Variants in NRXN1 observed in about 807,000 individuals in gnomAD.
NRXN1 encodes neurexin 1.
NRXN1 carries 39 observed loss-of-function variants against 150.9 expected under a neutral mutation model. The observed-to-expected ratio is 0.26, with a 90% confidence interval of 0.20 to 0.34. NRXN1 has a LOEUF of 0.34. Among genes scored for constraint, NRXN1 ranks in the 10% least tolerant of loss-of-function variants. NRXN1 has a pLI of 1.00. For missense variants in NRXN1, 1,815 were observed against 1,949.9 expected, an observed-to-expected ratio of 0.93 and a Z score of 1.30; for synonymous variants, 924 against 757.0, an observed-to-expected ratio of 1.22 and a Z score of -3.62.
At chr2:50,311,053 A>G (rs752548251) in intron 17 of NRXN1, among the ~76,000 whole-genome samples, 49 of 152,182 alleles carry the variant, frequency 3.2e-4, no homozygotes, top group Non-Finnish European at 5.6e-4. Flanking sequence ...AAGTATGTAC[A>G]TATACACACA....
chr2:50,912,659 C>A (rs1439492245), intron 5 of NRXN1, among the ~76,000 whole-genome samples: 5 of 150,728 alleles, frequency 3.3e-5, no homozygotes, highest in African/African-American at 1.2e-4. Flanking sequence ...GATGTTTGAG[C>A]AACTGTTCAG....
At chr2:50,822,504 A>T (rs1404398191) in intron 5 of NRXN1, among the ~76,000 whole-genome samples, 1 of 152,150 alleles carries the variant, frequency 6.6e-6, no homozygotes, top group South Asian at 2.1e-4. Context: ...TTTGCATAAT[A>T]TAAGACACTC....
chr2:50,584,729 G>A (rs1051808219), intron 8 of NRXN1, among the ~76,000 whole-genome samples: 23 of 152,168 alleles, frequency 1.5e-4, no homozygotes, highest in African/African-American at 5.3e-4. Flanking sequence ...GGTCAGTATT[G>A]ATGCTGCCAC....
intron 22 of NRXN1, among the ~76,000 whole-genome samples, chr2:49,936,816 GTA>G (rs1491520558): frequency 4.7e-5 from 7 of 149,888 alleles, no homozygotes; most frequent in South Asian, 2.1e-4. Flanking sequence ...AAAAACATAT[GTA>G]CACACACACA....
chr2:50,926,161 C>T (rs1280903114), intron 2 of NRXN1, among the ~76,000 whole-genome samples: 3 of 151,874 alleles, frequency 2.0e-5, no homozygotes, highest in Non-Finnish European at 4.4e-5. Context: ...GTGAGACAAA[C>T]TTTCATAATA....
At chr2:50,699,623 T>C (rs1456410310) in intron 5 of NRXN1, among the ~76,000 whole-genome samples, 1 of 152,006 alleles carries the variant, frequency 6.6e-6, no homozygotes, top group Admixed American at 6.6e-5. Flanking sequence ...ACAAGGAAAC[T>C]GGACCTTAGG....
At chr2:50,094,555 A>C (rs745607749) in intron 18 of NRXN1, among the ~76,000 whole-genome samples, 7 of 152,098 alleles carry the variant, frequency 4.6e-5, no homozygotes, top group Non-Finnish European at 7.3e-5. Flanking sequence ...TAACTGAGAA[A>C]TCTTCAAGGG....
At position 50,730,672 on chromosome 2, in the gene NRXN1, CTTTT is replaced by C. The variant is rs56042523; in HGVS notation, c.833-107061_833-107058del. Among the ~76,000 whole-genome samples, 161 of 122,004 alleles carry C rather than the reference CTTTT, an allele frequency of 1.3e-3. 1 individual carries two copies. Among genetic ancestry groups the C allele is most frequent in the Middle Eastern group, 0.011 (2 of 190 alleles). The allele number at this position is 122,004 out of a possible 152,430, so 80.0% of individuals were successfully genotyped here. ...AATCTTCCTTTATCTTTCTTGTTTT[CTTTT>C]TTTTTTTTTTTTTTGAGACGGAGTC... On this transcript the variant is annotated intron_variant, in intron 5 of 22. Coordinates refer to ENST00000401669, the MANE Select transcript of NRXN1 (RefSeq NM_001330078.2).
intron 2 of NRXN1, among the ~76,000 whole-genome samples, chr2:50,933,411 C>G (rs912981413): frequency 6.6e-6 from 1 of 152,048 alleles, no homozygotes; most frequent in Admixed American, 6.6e-5. Flanking sequence ...CCCTTACATA[C>G]TCGCTGTGTA....
At chr2:50,197,591 T>A (rs150385663) in intron 18 of NRXN1, among the ~76,000 whole-genome samples, 1 of 152,334 alleles carries the variant, frequency 6.6e-6, no homozygotes, top group African/African-American at 2.4e-5. Context: ...TTTATTAATC[T>A]TCAAATTTCA....
intron 22 of NRXN1, among the ~76,000 whole-genome samples, chr2:49,935,774 C>T (rs1395575014): frequency 2.6e-5 from 4 of 152,198 alleles, no homozygotes; most frequent in Non-Finnish European, 5.9e-5. Flanking sequence ...AAGCCAATTT[C>T]ATTATCAAAA....
chr2:50,042,004 A>G (rs1691048362), intron 21 of NRXN1, among the ~76,000 whole-genome samples: 1 of 152,238 alleles, frequency 6.6e-6, no homozygotes, highest in South Asian at 2.1e-4. Context: ...TGTCAGTAGC[A>G]TAAATTGAAA....
chr2:50,238,164 T>C (rs145857303), intron 17 of NRXN1, among the ~76,000 whole-genome samples: 10 of 152,190 alleles, frequency 6.6e-5, no homozygotes, highest in African/African-American at 2.4e-4. Context: ...GGTGCACTAG[T>C]CTTACCTCAA....
chr2:50,076,630 C>T (rs1389171599), intron 19 of NRXN1, among the ~76,000 whole-genome samples: 2 of 152,160 alleles, frequency 1.3e-5, no homozygotes, highest in East Asian at 3.9e-4. Context: ...TTCATGCTAA[C>T]CTGCACACTT....
chr2:50,950,704 G>A (rs1348124525), intron 2 of NRXN1, among the ~76,000 whole-genome samples: 2 of 152,166 alleles, frequency 1.3e-5, no homozygotes, highest in South Asian at 2.1e-4. Context: ...CATTATTTCG[G>A]TAACAACATT....
At chr2:50,485,540 T>C (rs549369363) in intron 15 of NRXN1, among the ~76,000 whole-genome samples, 1 of 151,858 alleles carries the variant, frequency 6.6e-6, no homozygotes, top group East Asian at 1.9e-4. Context: ...TTTAAAGAGG[T>C]CAAGATGGAA....
chr2:50,410,503 T>C (rs147716410), intron 17 of NRXN1, among the ~76,000 whole-genome samples: 206 of 152,298 alleles, frequency 1.4e-3, no homozygotes, highest in African/African-American at 4.6e-3. Context: ...TATTCTTAAC[T>C]AAGCTCCTGG....
chr2:50,444,167 A>T (rs1030712044), intron 17 of NRXN1, among the ~76,000 whole-genome samples: 3 of 152,198 alleles, frequency 2.0e-5, no homozygotes, highest in African/African-American at 7.2e-5. Flanking sequence ...TTCTCTGATA[A>T]AAATCTTTAG....
intron 5 of NRXN1, among the ~76,000 whole-genome samples, chr2:50,711,894 G>A (rs1242297037): frequency 2.0e-5 from 3 of 151,978 alleles, no homozygotes; most frequent in African/African-American, 7.2e-5. Flanking sequence ...CACTGAGTGA[G>A]GCAAGAAGCC....
Sources: allele counts gnomAD v4.1 joint callset (sites outside exome capture counted in the v4.1 genomes callset), GRCh38; gene constraint gnomAD v4.1.1; transcripts MANE v1.5; gene names NCBI Gene and HGNC (gene_info 2026-07-23, HGNC 2026-07-21).